Variants in OPHN1 observed in about 807,000 individuals in gnomAD.
OPHN1 encodes the protein oligophrenin-1.
Under a neutral mutation model 60.7 loss-of-function variants are expected in OPHN1, and 11 were observed. That is an observed-to-expected ratio of 0.18 (90% CI 0.11 to 0.30). OPHN1 has a LOEUF of 0.30. Ranked by LOEUF, OPHN1 falls within the 10% of genes least tolerant of loss-of-function variation. The pLI, the probability that OPHN1 is intolerant of heterozygous loss-of-function variation, is 1.00. For synonymous variants in OPHN1, 226 were observed against 222.6 expected (o/e 1.02, Z -0.14); for missense variants, 449 against 611.0 (o/e 0.73, Z 2.80).
intron 5 of OPHN1, among the ~76,000 whole-genome samples, chrX:68,241,629 A>G (rs1343150381): frequency 1.8e-5 from 2 of 112,071 alleles, no homozygotes; most frequent in Non-Finnish European, 3.8e-5. Flanking sequence ...TTAAAACTCA[A>G]CAATAAGAGG....
intron 15 of OPHN1, among the ~76,000 whole-genome samples, chrX:68,177,309 C>G (rs1278944634): frequency 1.8e-5 from 2 of 110,499 alleles, no homozygotes; most frequent in Non-Finnish European, 1.9e-5. Context: ...AATGTGAATA[C>G]AATGAACATT....
chrX:68,143,977 T>C (rs2077253470), intron 15 of OPHN1, among the ~76,000 whole-genome samples: 3 of 111,483 alleles, frequency 2.7e-5, no homozygotes, highest in African/African-American at 6.5e-5. Flanking sequence ...GGGAAAGACA[T>C]TTCAGGACTT....
intron 2 of OPHN1, among the ~76,000 whole-genome samples, chrX:68,378,770 C>T (rs2078576456): frequency 9.0e-6 from 1 of 111,176 alleles, no homozygotes; most frequent in South Asian, 3.8e-4. Context: ...TCTGAGGGCT[C>T]TGTTCTGTTC....
intron 3 of OPHN1, among the ~76,000 whole-genome samples, chrX:68,286,484 A>T (rs2078041833): frequency 9.0e-6 from 1 of 110,745 alleles, no homozygotes. Context: ...TCTCAAGTCT[A>T]ATCTCCTTGT....
At chrX:68,283,632 T>C (rs1162300938) in intron 3 of OPHN1, among the ~76,000 whole-genome samples, 1 of 111,851 alleles carries the variant, frequency 8.9e-6, no homozygotes, top group African/African-American at 3.2e-5. Context: ...GCAGGATGAC[T>C]GGGCAAATCA....
chrX:68,380,323 CTTCT>C (rs760848219), intron 2 of OPHN1, among the ~76,000 whole-genome samples: 47 of 110,957 alleles, frequency 4.2e-4, no homozygotes, highest in African/African-American at 1.3e-3. Flanking sequence ...TCTCTCTTTT[CTTCT>C]TTATTAGTCT....
At chrX:68,413,204 T>C (rs2078777256) in intron 2 of OPHN1, among the ~76,000 whole-genome samples, 1 of 111,930 alleles carries the variant, frequency 8.9e-6, no homozygotes, top group African/African-American at 3.2e-5. Flanking sequence ...CTGTAACAAC[T>C]AGGACATAGT....
chrX:68,338,173 A>G (rs1283228105), intron 2 of OPHN1, among the ~76,000 whole-genome samples: 1 of 112,047 alleles, frequency 8.9e-6, no homozygotes, highest in Non-Finnish European at 1.9e-5. Context: ...CTCACTTTCA[A>G]TAATGGTTAG....
chrX:68,291,198 C>T (rs1328689363), intron 3 of OPHN1, among the ~76,000 whole-genome samples: 1 of 111,167 alleles, frequency 9.0e-6, no homozygotes. Flanking sequence ...GTGGCAGGAA[C>T]AGGATAGAGA....
At chrX:68,276,022 A>T (rs1336645352) in intron 4 of OPHN1, among the ~76,000 whole-genome samples, 1 of 111,672 alleles carries the variant, frequency 9.0e-6, no homozygotes, top group Non-Finnish European at 1.9e-5. Flanking sequence ...AGCAAAAAAA[A>T]ATATAAAACT....
intron 18 of OPHN1, among the ~76,000 whole-genome samples, chrX:68,100,878 C>T (rs923850589): frequency 9.0e-6 from 1 of 110,590 alleles, no homozygotes; most frequent in African/African-American, 3.3e-5. Context: ...TCCCGAGTAG[C>T]TGGGACTACA....
intron 2 of OPHN1, among the ~76,000 whole-genome samples, chrX:68,404,708 G>A (rs1436936867): frequency 1.8e-5 from 2 of 111,313 alleles, no homozygotes; most frequent in African/African-American, 3.3e-5. Context: ...TGACACATTC[G>A]GGTAGGAGAA....
intron 2 of OPHN1, among the ~76,000 whole-genome samples, chrX:68,331,899 G>T (rs2078297076): frequency 9.1e-6 from 1 of 110,008 alleles, no homozygotes; most frequent in African/African-American, 3.3e-5. Context: ...AGCTTGGTGT[G>T]GTGGTGCATG....
intron 2 of OPHN1, among the ~76,000 whole-genome samples, chrX:68,381,421 C>A (rs933545097): frequency 9.0e-6 from 1 of 111,697 alleles, no homozygotes; most frequent in Non-Finnish European, 1.9e-5. Flanking sequence ...ACATAGTAAG[C>A]GCTCAACAAA....
In OPHN1 at chrX:68,212,181, G is replaced by C; in HGVS notation, c.629C>G (p.Ser210Cys). ...TGTGAGCTCCACAGTCAGGCTGTTA[G>C]AAATGAACAGACTATGAAGAAAGGC... ...VLAFLHSLFISNSLTVELTQD... is the reference protein window; with the variant it reads ...VLAFLHSLFICNSLTVELTQD... The change falls in exon 8 of 25, where the codon TCT (serine) becomes TGT (cysteine). Residue 210 changes from serine (S) to cysteine (C), a missense_variant. Transcript: ENST00000355520. 2.5e-6 allele frequency: 3 copies of C among 1,203,730 alleles called. No homozygotes were observed. Among genetic ancestry groups the C allele is most frequent in the Non-Finnish European group, 3.4e-6 (3 of 889,202 alleles).
chrX:68,408,288 T>TC (rs1328771807), intron 2 of OPHN1, among the ~76,000 whole-genome samples: 1 of 111,743 alleles, frequency 8.9e-6, no homozygotes, highest in Admixed American at 9.6e-5. Context: ...ATTTTCAGGC[T>TC]CCCCCAATAC....
intron 18 of OPHN1, among the ~76,000 whole-genome samples, chrX:68,107,133 T>C (rs2077084870): frequency 8.9e-6 from 1 of 112,233 alleles, no homozygotes; most frequent in Non-Finnish European, 1.9e-5. Flanking sequence ...GTTTGCATCT[T>C]AGAAAACGTA....
chrX:68,315,626 C>G (rs1339963745), intron 2 of OPHN1, among the ~76,000 whole-genome samples: 2 of 111,430 alleles, frequency 1.8e-5, no homozygotes, highest in Non-Finnish European at 3.8e-5. Flanking sequence ...GTAAAATTAT[C>G]TCTATTTGCC....
intron 19 of OPHN1, among the ~76,000 whole-genome samples, chrX:68,094,633 A>G (rs2077031214): frequency 9.0e-6 from 1 of 111,202 alleles, no homozygotes; most frequent in Admixed American, 9.6e-5. Flanking sequence ...TGTTAAGCCT[A>G]AATCAAATCC....
Sources: allele counts gnomAD v4.1 joint callset (sites outside exome capture counted in the v4.1 genomes callset), GRCh38; gene constraint gnomAD v4.1.1; transcripts MANE v1.5; gene names NCBI Gene and HGNC (gene_info 2026-07-23, HGNC 2026-07-21).